The following DISC1 variants were observed in gnomAD, a reference collection of about 807,000 sequenced individuals.
The protein encoded by DISC1 is disrupted in schizophrenia 1 protein.
In DISC1, 57 loss-of-function variants were observed where a neutral mutation model predicts 84.5. The observed-to-expected ratio is 0.67, with a 90% CI of 0.55 to 0.84. The LOEUF is 0.84. DISC1 is among the 40% of genes least tolerant of loss of function. The pLI is 0.00. For missense variants in DISC1, 1,000 were observed against 1,057.8 expected (o/e 0.95, Z 0.76); for synonymous variants, 411 against 415.2 (o/e 0.99, Z 0.12).
In DISC1 at chr1:231,694,250, C is replaced by A. The variant is rs2125659136; in HGVS notation, c.492C>A (p.Cys164Ter). 1.9e-6 allele frequency: 3 copies of A among 1,614,208 alleles called. No homozygotes were observed. Among genetic ancestry groups the A allele is most frequent in the Middle Eastern group, 1.6e-4 (1 of 6,062 alleles). Reference sequence around the variant, plus strand: ...TGGACGCCAGCTGGGAGGCAGCCTGCAGCGATGGAGCAAGGCGTGTCCGGG... The same window carrying A: ...TGGACGCCAGCTGGGAGGCAGCCTGAAGCGATGGAGCAAGGCGTGTCCGGG... ...ETLDASWEAACSDGARRVRAA... is the reference protein window; with the variant it reads ...ETLDASWEAA The change falls in exon 2 of 13, where the codon TGC (cysteine) becomes TGA (stop). Residue 164 changes from cysteine to a stop codon, truncating the protein, a stop_gained. Transcript: ENST00000439617. LOFTEE classifies it high-confidence loss of function.
intron 3 of DISC1, chr1:231,723,579 G>C (rs2070189478): frequency 4.1e-6 from 4 of 985,348 alleles, no homozygotes; most frequent in Admixed American, 6.1e-5. Flanking sequence ...GGCCTGTCCA[G>C]AGCAAACATT....
intron 11 of DISC1, among the ~76,000 whole-genome samples, chr1:232,018,290 G>C (rs1343975607): frequency 1.3e-5 from 2 of 152,080 alleles, no homozygotes; most frequent in South Asian, 2.1e-4. Context: ...ATAAGCTCCA[G>C]TTCTAAAATT....
At chr1:231,689,424 C>T (rs2064719361) in intron 1 of DISC1, among the ~76,000 whole-genome samples, 1 of 151,930 alleles carries the variant, frequency 6.6e-6, no homozygotes, top group Non-Finnish European at 1.5e-5. Context: ...CTCCGTCTCC[C>T]AGGTTCCAGT....
At chr1:231,802,463 A>G (rs2759350) in intron 8 of DISC1, among the ~76,000 whole-genome samples, 110,337 of 151,670 alleles carry the variant, frequency 0.73, 40,433 homozygotes, top group Admixed American at 0.78. Context: ...AATTAAATCT[A>G]TTTTCTTTAA....
intron 3 of DISC1, among the ~76,000 whole-genome samples, chr1:231,746,002 T>TAGCC: frequency 6.6e-6 from 1 of 152,176 alleles, no homozygotes; most frequent in Non-Finnish European, 1.5e-5. Flanking sequence ...TGCTCTCCCT[T>TAGCC]AGCCTTCTGC....
In DISC1 at chr1:231,812,133, G is replaced by A. The variant is rs146327874; in HGVS notation, c.1793-6196G>A. Among the ~76,000 whole-genome samples, 3 of 152,194 alleles carry A rather than the reference G, an allele frequency of 2.0e-5. No homozygotes were observed. The East Asian group carries it at 5.8e-4, about 29-fold the overall frequency. On this transcript the variant is annotated intron_variant, in intron 8 of 12. Coordinates refer to ENST00000439617, the MANE Select transcript of DISC1 (RefSeq NM_018662.3). ...TGCAGTGGTATGATCATGACTCACT[G>A]CCACCTCAAGCTCCTGGGCTCAAGT...
chr1:231,889,347 G>A (rs1284849132), intron 9 of DISC1, among the ~76,000 whole-genome samples: 2 of 152,084 alleles, frequency 1.3e-5, no homozygotes, highest in Non-Finnish European at 2.9e-5. Context: ...GAGTATTTGT[G>A]GCTTCAGAGA....
intron 9 of DISC1, among the ~76,000 whole-genome samples, chr1:231,838,047 A>ACTTTT (rs2082749574): frequency 6.6e-6 from 1 of 152,230 alleles, no homozygotes; most frequent in Admixed American, 6.5e-5. Context: ...AGAAAGATAG[A>ACTTTT]TAAAAAGTCC....
intron 9 of DISC1, among the ~76,000 whole-genome samples, chr1:231,948,135 A>G (rs563537864): frequency 2.0e-5 from 3 of 152,306 alleles, no homozygotes; most frequent in South Asian, 2.1e-4. Flanking sequence ...TAATCATTCT[A>G]TGATAAAGAC....
At chr1:231,639,226 C>T (rs922003765) in intron 1 of DISC1, among the ~76,000 whole-genome samples, 1 of 151,384 alleles carries the variant, frequency 6.6e-6, no homozygotes, top group Non-Finnish European at 1.5e-5. Context: ...ATCAACATGC[C>T]AAAAGTGGCA....
chr1:231,831,026 G>A (rs930376515), intron 9 of DISC1, among the ~76,000 whole-genome samples: 1 of 152,188 alleles, frequency 6.6e-6, no homozygotes, highest in Non-Finnish European at 1.5e-5. Flanking sequence ...AATTATGTCT[G>A]ACAGAAGGGA....
intron 9 of DISC1, among the ~76,000 whole-genome samples, chr1:231,883,349 G>C (rs1358510444): frequency 1.3e-5 from 2 of 152,128 alleles, no homozygotes; most frequent in East Asian, 1.9e-4. Context: ...ACCCCTTGCC[G>C]TCGGGAGCTC....
intron 1 of DISC1, among the ~76,000 whole-genome samples, chr1:231,656,233 C>G (rs932628146): frequency 1.3e-5 from 2 of 152,140 alleles, no homozygotes; most frequent in African/African-American, 4.8e-5. Flanking sequence ...AGATTTAAGT[C>G]TGTAATCCAT....
chr1:231,935,760 T>G (rs1050224722), intron 9 of DISC1, among the ~76,000 whole-genome samples: 1 of 152,208 alleles, frequency 6.6e-6, no homozygotes, highest in African/African-American at 2.4e-5. Context: ...TTGGGTCTTT[T>G]CAGTAATATA....
intron 9 of DISC1, among the ~76,000 whole-genome samples, chr1:231,843,245 T>C (rs972153793): frequency 5.3e-5 from 8 of 152,142 alleles, no homozygotes; most frequent in African/African-American, 1.2e-4. Flanking sequence ...TGAGAGGTGA[T>C]AGAGAAAAGC....
chr1:231,968,560 C>G (rs1661423000), intron 10 of DISC1, among the ~76,000 whole-genome samples: 1 of 149,510 alleles, frequency 6.7e-6, no homozygotes, highest in South Asian at 2.1e-4. Context: ...CCACTGCACT[C>G]CAGCCTGGGC....
Position 231,802,863 on chromosome 1 carries a change from T to C in DISC1, c.1792+2653T>C, listed in dbSNP as rs79984334. 5.4e-3 allele frequency among the ~76,000 whole-genome samples: 822 copies of C among 152,178 alleles called. 9 individuals are homozygous for C. The highest frequency in any genetic ancestry group is 0.019 in the African/African-American group (775 of 41,532). ...ATCTTTTTTTTTCTAGTTTCTGATATATTTTTCTTACTTTTTTCTATCCTT... is the reference window on the plus strand; with the variant it reads ...ATCTTTTTTTTTCTAGTTTCTGATACATTTTTCTTACTTTTTTCTATCCTT... On this transcript the variant is annotated intron_variant, in intron 8 of 12. Transcript: ENST00000439617.
chr1:231,758,633 A>C (rs2075365930), intron 4 of DISC1, among the ~76,000 whole-genome samples: 1 of 152,202 alleles, frequency 6.6e-6, no homozygotes, highest in South Asian at 2.1e-4. Flanking sequence ...ACTCTGGAGC[A>C]ACAGGAAATT....
intron 9 of DISC1, among the ~76,000 whole-genome samples, chr1:231,932,271 G>A (rs1470547305): frequency 6.6e-6 from 1 of 152,132 alleles, no homozygotes; most frequent in African/African-American, 2.4e-5. Context: ...GTGCTAGTGG[G>A]AAATGCCATT....
Sources: allele counts gnomAD v4.1 joint callset (sites outside exome capture counted in the v4.1 genomes callset), GRCh38; gene constraint gnomAD v4.1.1; transcripts MANE v1.5; gene names NCBI Gene and HGNC (gene_info 2026-07-23, HGNC 2026-07-21).